Variants in SPOCK3 observed in about 807,000 individuals in gnomAD.
SPOCK3 encodes testican-3.
Under a neutral mutation model 56.6 loss-of-function variants are expected in SPOCK3, and 30 were observed. The ratio of observed to expected loss-of-function variants is 0.53; its 90% confidence interval spans 0.40 to 0.72. The LOEUF (loss-of-function observed/expected upper bound fraction) is 0.72, where lower values mean the gene tolerates loss of function less well. Ranked by LOEUF, SPOCK3 falls within the 30% of genes least tolerant of loss-of-function variation. SPOCK3 has a pLI of 0.00. For synonymous variants in SPOCK3, 196 were observed against 183.3 expected, an observed-to-expected ratio of 1.07 and a Z score of -0.56; for missense variants, 527 against 530.0, an observed-to-expected ratio of 0.99 and a Z score of 0.06.
chr4:167,206,495 T>G (rs2062379), intron 2 of SPOCK3, among the ~76,000 whole-genome samples: 1 of 149,088 alleles, frequency 6.7e-6, no homozygotes, highest in South Asian at 2.1e-4. Flanking sequence ...AGAATTACAT[T>G]AAAAAATAAA....
In SPOCK3 at chr4:166,864,450, G is replaced by A. The variant is rs549136872; in HGVS notation, c.589+24680C>T. The stretch of plus-strand genomic sequence containing the variant: ...CTAAGATCAGGGAAGAACTGAAGGA[G>A]ATAGAGACACGAAAAACCTTTCAAA... On this transcript the variant is annotated intron_variant, in intron 6 of 10. Coordinates refer to ENST00000357545, the MANE Select transcript of SPOCK3 (RefSeq NM_001040159.2). 2.6e-5 allele frequency among the ~76,000 whole-genome samples: 4 copies of A among 152,146 alleles called. 1 individual carries two copies. The South Asian group carries it at 8.3e-4, about 32-fold the overall frequency.
chr4:166,949,081 A>C (rs1742159389), intron 4 of SPOCK3, among the ~76,000 whole-genome samples: 2 of 151,674 alleles, frequency 1.3e-5, no homozygotes, highest in Non-Finnish European at 2.9e-5. Context: ...TTCTCACTTC[A>C]TTTCATTCAT....
At chr4:167,052,495 A>C (rs1361151400) in intron 3 of SPOCK3, among the ~76,000 whole-genome samples, 1 of 152,232 alleles carries the variant, frequency 6.6e-6, no homozygotes, top group Non-Finnish European at 1.5e-5. Flanking sequence ...AAATCAATTC[A>C]TGTGAATTAA....
At chr4:166,845,416 T>A (rs1747959285) in intron 6 of SPOCK3, among the ~76,000 whole-genome samples, 1 of 152,208 alleles carries the variant, frequency 6.6e-6, no homozygotes, top group South Asian at 2.1e-4. Flanking sequence ...AAACTACAAA[T>A]CTAATTGTGG....
chr4:167,165,478 T>C (rs532766584), intron 2 of SPOCK3, among the ~76,000 whole-genome samples: 20 of 152,070 alleles, frequency 1.3e-4, no homozygotes, highest in South Asian at 1.2e-3. Context: ...CACTGGTCAT[T>C]AGAGAAATGC....
At chr4:166,897,313 C>A (rs1169145565) in intron 5 of SPOCK3, among the ~76,000 whole-genome samples, 2 of 152,084 alleles carry the variant, frequency 1.3e-5, no homozygotes, top group South Asian at 4.2e-4. Flanking sequence ...CACTGGCAGC[C>A]TTTTGTTCTG....
chr4:166,956,440 C>A (rs894449804), intron 4 of SPOCK3, among the ~76,000 whole-genome samples: 4 of 152,052 alleles, frequency 2.6e-5, no homozygotes, highest in African/African-American at 7.2e-5. Flanking sequence ...GATCCAATAA[C>A]CAAACCAGCT....
At chr4:167,119,136 G>A (rs555580681) in intron 2 of SPOCK3, among the ~76,000 whole-genome samples, 1 of 99,450 alleles carries the variant, frequency 1.0e-5, no homozygotes, top group Admixed American at 9.1e-5. Context: ...AGAAGGCGGG[G>A]TGGGGGAGGG....
intron 5 of SPOCK3, among the ~76,000 whole-genome samples, chr4:166,902,218 T>C (rs1027031890): frequency 7.2e-5 from 11 of 152,190 alleles, no homozygotes; most frequent in African/African-American, 2.7e-4. Context: ...CTTGCTGAGA[T>C]GCTTTTTGTT....
At chr4:166,867,308 A>T (rs926780552) in intron 6 of SPOCK3, among the ~76,000 whole-genome samples, 1 of 152,050 alleles carries the variant, frequency 6.6e-6, no homozygotes, top group African/African-American at 2.4e-5. Context: ...AGTTATTTTT[A>T]TATTTTCCAT....
chr4:167,210,626 G>T (rs1734777923), intron 2 of SPOCK3, among the ~76,000 whole-genome samples: 1 of 152,114 alleles, frequency 6.6e-6, no homozygotes, highest in Non-Finnish European at 1.5e-5. Context: ...TTATATAGAT[G>T]AAGAATGTTT....
At chr4:166,778,728 T>G (rs547034465) in intron 7 of SPOCK3, among the ~76,000 whole-genome samples, 105 of 152,072 alleles carry the variant, frequency 6.9e-4, no homozygotes, top group South Asian at 1.7e-3. Context: ...TCTAGACTTT[T>G]TTTTTTTCTA....
intron 2 of SPOCK3, among the ~76,000 whole-genome samples, chr4:167,077,365 A>C (rs531643647): frequency 5.3e-5 from 8 of 151,966 alleles, no homozygotes; most frequent in South Asian, 2.1e-4. Context: ...TAACAGAAAA[A>C]AAAGCTATAG....
chr4:166,821,534 A>G (rs1318105959), intron 6 of SPOCK3, among the ~76,000 whole-genome samples: 1 of 152,088 alleles, frequency 6.6e-6, no homozygotes, highest in East Asian at 1.9e-4. Flanking sequence ...AACCTATCCA[A>G]TTTTCATTTC....
At chr4:167,025,691 C>A (rs1580041560) in intron 3 of SPOCK3, among the ~76,000 whole-genome samples, 1 of 151,892 alleles carries the variant, frequency 6.6e-6, no homozygotes, top group African/African-American at 2.4e-5. Context: ...AGATATCACC[C>A]CCAAAGCATG....
chr4:166,918,208 A>G (rs1193155163), intron 4 of SPOCK3, among the ~76,000 whole-genome samples: 1 of 152,176 alleles, frequency 6.6e-6, no homozygotes, highest in Non-Finnish European at 1.5e-5. Flanking sequence ...ATTATCTTTC[A>G]GTGTGAGAAA....
intron 6 of SPOCK3, among the ~76,000 whole-genome samples, chr4:166,797,320 T>G (rs1354093661): frequency 8.8e-6 from 1 of 113,830 alleles, no homozygotes; most frequent in Non-Finnish European, 1.8e-5. Flanking sequence ...TTTTTTTTTT[T>G]TTAAACAAAG....
At chr4:167,028,813 CAT>C (rs1318888607) in intron 3 of SPOCK3, among the ~76,000 whole-genome samples, 1 of 152,012 alleles carries the variant, frequency 6.6e-6, no homozygotes, top group Admixed American at 6.6e-5. Flanking sequence ...TAAGTGGTAA[CAT>C]ATCACACTTC....
At chr4:166,931,650 T>C (rs1374691324) in intron 4 of SPOCK3, among the ~76,000 whole-genome samples, 3 of 152,244 alleles carry the variant, frequency 2.0e-5, no homozygotes, top group African/African-American at 7.2e-5. Flanking sequence ...CTATTCTTCA[T>C]CTACCTCCAT....
Sources: allele counts gnomAD v4.1 joint callset (sites outside exome capture counted in the v4.1 genomes callset), GRCh38; gene constraint gnomAD v4.1.1; transcripts MANE v1.5; gene names NCBI Gene and HGNC (gene_info 2026-07-23, HGNC 2026-07-21).